The following NRXN1 variants were observed in gnomAD, a reference collection of about 807,000 sequenced individuals.
NRXN1 encodes the protein neurexin 1.
A neutral mutation model predicts 150.9 loss-of-function variants in NRXN1; 39 were observed. That is an observed-to-expected ratio of 0.26 (90% CI 0.20 to 0.34). The LOEUF (loss-of-function observed/expected upper bound fraction) is 0.34. Among genes scored for constraint, NRXN1 ranks in the 10% least tolerant of loss-of-function variants. The pLI is 1.00. For missense variants in NRXN1, 1,815 were observed against 1,949.9 expected (o/e 0.93, Z 1.30); for synonymous variants, 924 against 757.0 (o/e 1.22, Z -3.62).
intron 5 of NRXN1, among the ~76,000 whole-genome samples, chr2:50,814,848 G>C (rs1188659531): frequency 1.3e-5 from 2 of 151,944 alleles, no homozygotes; most frequent in Non-Finnish European, 2.9e-5. Flanking sequence ...CATTGCACTG[G>C]GAATAAGCTG....
intron 19 of NRXN1, among the ~76,000 whole-genome samples, chr2:50,070,748 C>T (rs973967338): frequency 5.6e-5 from 7 of 124,736 alleles, no homozygotes; most frequent in Middle Eastern, 5.6e-3. Context: ...CCAGCCTGGG[C>T]GACAGAGCGA....
intron 17 of NRXN1, among the ~76,000 whole-genome samples, chr2:50,266,799 G>A (rs1391401447): frequency 6.6e-6 from 1 of 152,046 alleles, no homozygotes; most frequent in Non-Finnish European, 1.5e-5. Flanking sequence ...TTCTAGTTTA[G>A]TGACACAAAA....
At chr2:50,496,864 C>T (rs13428011) in intron 14 of NRXN1, among the ~76,000 whole-genome samples, 1 of 152,108 alleles carries the variant, frequency 6.6e-6, no homozygotes, top group Non-Finnish European at 1.5e-5. Flanking sequence ...TTTTAAGGCA[C>T]GTTTACACAA....
At chr2:50,908,213 G>A (rs966514868) in intron 5 of NRXN1, among the ~76,000 whole-genome samples, 3 of 151,976 alleles carry the variant, frequency 2.0e-5, no homozygotes, top group Non-Finnish European at 2.9e-5. Flanking sequence ...TTTAAAGTGG[G>A]CTGACAACAT....
At chr2:50,509,713 G>A (rs1193215489) in intron 12 of NRXN1, among the ~76,000 whole-genome samples, 1 of 152,178 alleles carries the variant, frequency 6.6e-6, no homozygotes, top group Non-Finnish European at 1.5e-5. Context: ...ACTTCAAGCT[G>A]TTAATGACCT....
At chr2:49,994,339 G>A (rs1414425623) in intron 21 of NRXN1, among the ~76,000 whole-genome samples, 1 of 152,106 alleles carries the variant, frequency 6.6e-6, no homozygotes, top group Non-Finnish European at 1.5e-5. Flanking sequence ...TTTCTCTATT[G>A]GTATGTTTGA....
intron 2 of NRXN1, among the ~76,000 whole-genome samples, chr2:50,961,863 C>T (rs185044214): frequency 1.7e-3 from 251 of 151,516 alleles, no homozygotes; most frequent in African/African-American, 5.8e-3. Flanking sequence ...ACCATATTCT[C>T]CACAAAATGG....
chr2:50,068,618 T>G (rs559256439), intron 19 of NRXN1, among the ~76,000 whole-genome samples: 9 of 152,316 alleles, frequency 5.9e-5, no homozygotes, highest in Admixed American at 2.0e-4. Flanking sequence ...AAGAATAGTA[T>G]CCATAATATA....
At chr2:50,122,691 C>T (rs748998811) in intron 18 of NRXN1, among the ~76,000 whole-genome samples, 7 of 152,188 alleles carry the variant, frequency 4.6e-5, no homozygotes, top group Non-Finnish European at 1.0e-4. Flanking sequence ...GAGGTAGCAT[C>T]CATTAACACA....
In NRXN1 at chr2:50,754,015, A is replaced by G. The variant is rs935857435; in HGVS notation, c.833-130400T>C. ...ATTAATGTACTAGTTTAATAGAACA[A>G]TAAAATAATATTGCAGGAAAACATA... is the stretch of plus-strand genomic sequence containing the variant. On this transcript the variant is annotated intron_variant, in intron 5 of 22. Transcript: ENST00000401669. Among the ~76,000 whole-genome samples, 138 of 151,780 alleles carry G rather than the reference A, an allele frequency of 9.1e-4. 1 individual carries two copies. Among genetic ancestry groups the G allele is most frequent in the African/African-American group, 3.2e-3 (132 of 41,436 alleles).
At chr2:50,333,144 T>C (rs1197412340) in intron 17 of NRXN1, among the ~76,000 whole-genome samples, 2 of 152,194 alleles carry the variant, frequency 1.3e-5, no homozygotes, top group Non-Finnish European at 2.9e-5. Flanking sequence ...TACTCATCTC[T>C]TTGATCTTTT....
At position 50,801,129 on chromosome 2, in the gene NRXN1, C is replaced by T. The variant is rs188971393; in HGVS notation, c.832+120740G>A. On this transcript the variant is annotated intron_variant, in intron 5 of 22. Transcript: ENST00000401669. ...TTAGCATTATCAATTATTTTTTATGCAAGTTTATAAGAAGCAACTGATTCA... is the reference window on the plus strand; with the variant it reads ...TTAGCATTATCAATTATTTTTTATGTAAGTTTATAAGAAGCAACTGATTCA... 7.2e-5 allele frequency among the ~76,000 whole-genome samples: 11 copies of T among 151,950 alleles called. No individual in the cohort carries two copies. The East Asian group carries it at 2.1e-3, about 29-fold the overall frequency.
chr2:49,956,529 T>C (rs1674978076), intron 21 of NRXN1, among the ~76,000 whole-genome samples: 1 of 152,146 alleles, frequency 6.6e-6, no homozygotes, highest in Non-Finnish European at 1.5e-5. Context: ...TCCTATTTCA[T>C]TCATGGTGTC....
At chr2:50,159,040 G>C (rs1485159430) in intron 18 of NRXN1, among the ~76,000 whole-genome samples, 2 of 152,034 alleles carry the variant, frequency 1.3e-5, no homozygotes, top group African/African-American at 2.4e-5. Context: ...TGATCAGAGA[G>C]ATAGAAAATG....
chr2:50,332,802 GT>G (rs1351844390), intron 17 of NRXN1, among the ~76,000 whole-genome samples: 3 of 152,180 alleles, frequency 2.0e-5, no homozygotes, highest in Non-Finnish European at 4.4e-5. Context: ...CAGCCTGAGT[GT>G]TTTCTTGGGT....
chr2:50,517,060 A>C (rs2092651798), intron 12 of NRXN1, among the ~76,000 whole-genome samples: 1 of 152,168 alleles, frequency 6.6e-6, no homozygotes, highest in South Asian at 2.1e-4. Context: ...TAGCTGTGTG[A>C]CCTTGAGCAA....
At chr2:51,029,624 A>G (rs1390531215) in intron 1 of NRXN1, among the ~76,000 whole-genome samples, 1 of 152,262 alleles carries the variant, frequency 6.6e-6, no homozygotes, top group Non-Finnish European at 1.5e-5. Context: ...TTGGCAAATT[A>G]GATTAAACTG....
intron 8 of NRXN1, among the ~76,000 whole-genome samples, chr2:50,562,220 T>C (rs1669194158): frequency 6.6e-6 from 1 of 152,124 alleles, no homozygotes; most frequent in Non-Finnish European, 1.5e-5. Context: ...CACCACTTAA[T>C]TTTACATTTT....
intron 21 of NRXN1, among the ~76,000 whole-genome samples, chr2:50,046,322 G>A (rs1273409828): frequency 1.3e-5 from 2 of 152,272 alleles, no homozygotes; most frequent in East Asian, 1.9e-4. Flanking sequence ...TCCCTTAGGG[G>A]AATGGTGCTG....
Sources: gnomAD v4.1 joint callset for allele counts (sites outside exome capture counted in the v4.1 genomes callset) on GRCh38, gnomAD v4.1.1 for gene constraint, MANE v1.5 for transcripts, NCBI Gene and HGNC (gene_info 2026-07-23, HGNC 2026-07-21) for gene names.